MRPS35: variants seen among roughly 807,000 people sequenced by gnomAD.
MRPS35 encodes the protein small ribosomal subunit protein mS35.
MRPS35 carries 29 observed loss-of-function variants against 32.7 expected under a neutral mutation model. The observed-to-expected ratio is 0.89, with a 90% CI of 0.66 to 1.21. The LOEUF is 1.21. Among genes scored for constraint, MRPS35 ranks in the 50% most tolerant of loss-of-function variants. The probability of loss-of-function intolerance (pLI) is 0.00; values close to 1 mark genes in which losing one functional copy is unlikely to be tolerated. For missense variants in MRPS35, 373 were observed against 383.8 expected (o/e 0.97, Z 0.23); for synonymous variants, 148 against 139.3 (o/e 1.06, Z -0.44).
At chr12:27,749,564 G>C (rs2061993930) in intron 7 of MRPS35, among the ~76,000 whole-genome samples, 1 of 152,156 alleles carries the variant, frequency 6.6e-6, no homozygotes, top group African/African-American at 2.4e-5. Flanking sequence ...ATTTACCTTC[G>C]AAGTTTTAGT....
At chr12:27,750,037 C>T (rs1329545172) in intron 7 of MRPS35, among the ~76,000 whole-genome samples, 1 of 152,176 alleles carries the variant, frequency 6.6e-6, no homozygotes, top group East Asian at 1.9e-4. Flanking sequence ...ACCCAAAAAG[C>T]TTTAGAAATT....
intron 4 of MRPS35, among the ~76,000 whole-genome samples, chr12:27,720,711 T>G (rs2061870626): frequency 6.6e-6 from 1 of 152,050 alleles, no homozygotes; most frequent in Non-Finnish European, 1.5e-5. Flanking sequence ...ATAACAGAAG[T>G]AATCACTGGA....
intron 5 of MRPS35, among the ~76,000 whole-genome samples, chr12:27,733,890 C>A (rs2061932104): frequency 6.6e-6 from 1 of 152,148 alleles, no homozygotes; most frequent in South Asian, 2.1e-4. Context: ...CTTTAAAAAA[C>A]AATATATCCT....
chr12:27,751,587 C>A (rs1336000478), intron 7 of MRPS35, among the ~76,000 whole-genome samples: 1 of 152,008 alleles, frequency 6.6e-6, no homozygotes, highest in Non-Finnish European at 1.5e-5. Context: ...AGAAGGCTCT[C>A]CCCTGCCTTC....
At chr12:27,733,422 C>A (rs1254489113) in intron 5 of MRPS35, among the ~76,000 whole-genome samples, 1 of 151,908 alleles carries the variant, frequency 6.6e-6, no homozygotes, top group Non-Finnish European at 1.5e-5. Context: ...TTTTTTGGAC[C>A]ACTTCTTATA....
intron 7 of MRPS35, among the ~76,000 whole-genome samples, chr12:27,738,909 A>T (rs1400382256): frequency 1.3e-5 from 2 of 150,656 alleles, no homozygotes; most frequent in South Asian, 2.1e-4. Flanking sequence ...TGGTTTACTG[A>T]GAACTTTTTT....
In MRPS35 at chr12:27,756,051, G is replaced by C. The variant is rs149780656; in HGVS notation, c.*601G>C. On this transcript the variant is annotated 3_prime_UTR_variant, in exon 8 of 8. Coordinates refer to ENST00000081029, the MANE Select transcript of MRPS35 (RefSeq NM_021821.4). ...GGGCCAAGCTACCAGAAAAGTAGAA[G>C]TGGAGATTACCTGGTATGTATCTCT... 6.6e-6 allele frequency: 1 copy of C among 152,356 alleles called. No homozygotes were observed. Among genetic ancestry groups the C allele is most frequent in the East Asian group, 1.9e-4 (1 of 5,188 alleles). The allele number at this position is 152,356 out of a possible 1,614,324, so 9.4% of individuals were successfully genotyped here. A position where few individuals can be genotyped will look rare whatever the true frequency, so the allele number is the denominator to read the frequency against.
intron 7 of MRPS35, among the ~76,000 whole-genome samples, chr12:27,739,974 AC>A (rs574416267): frequency 6.8e-4 from 104 of 152,350 alleles, no homozygotes; most frequent in African/African-American, 2.2e-3. Flanking sequence ...AACTGTCCAA[AC>A]AAGTATACTT....
chr12:27,716,960 C>A (rs561805860), intron 3 of MRPS35, among the ~76,000 whole-genome samples: 6 of 152,070 alleles, frequency 3.9e-5, no homozygotes, highest in African/African-American at 1.2e-4. Flanking sequence ...CACTGCACTC[C>A]AGCCTGGGCG....
At chr12:27,744,130 T>C (rs1321480617) in intron 7 of MRPS35, among the ~76,000 whole-genome samples, 1 of 152,282 alleles carries the variant, frequency 6.6e-6, no homozygotes, top group Non-Finnish European at 1.5e-5. Flanking sequence ...TTTTAATTTC[T>C]ATGCTGGTCA....
chr12:27,718,258 C>G (rs2061859088), intron 3 of MRPS35, among the ~76,000 whole-genome samples: 1 of 152,144 alleles, frequency 6.6e-6, no homozygotes, highest in Non-Finnish European at 1.5e-5. Flanking sequence ...AACCCCATCT[C>G]TACTAAAACT....
intron 5 of MRPS35, 140 bp from the exon 6 acceptor site, chr12:27,735,307 A>G (rs957085918): frequency 6.9e-6 from 4 of 578,150 alleles, no homozygotes; most frequent in South Asian, 4.9e-5. Flanking sequence ...ATATGTCCCA[A>G]CTGCTTGCTC....
intron 7 of MRPS35, among the ~76,000 whole-genome samples, chr12:27,754,264 A>G (rs771379490): frequency 1.3e-5 from 2 of 152,114 alleles, no homozygotes; most frequent in East Asian, 1.9e-4. Context: ...GGCGGGGGAA[A>G]AAAGAAAATT....
chr12:27,722,117 G>GAA (rs2061878941), intron 4 of MRPS35, among the ~76,000 whole-genome samples: 1 of 152,198 alleles, frequency 6.6e-6, no homozygotes, highest in African/African-American at 2.4e-5. Flanking sequence ...GTATTTAAAT[G>GAA]AGTGTCTTAA....
chr12:27,732,916 A>G (rs940249766), intron 5 of MRPS35, among the ~76,000 whole-genome samples: 1 of 151,052 alleles, frequency 6.6e-6, no homozygotes, highest in African/African-American at 2.4e-5. Context: ...GCATATAGAG[A>G]AAATATTTCA....
Position 27,716,369 on chromosome 12 carries a change from C to A in MRPS35, c.232C>A (p.Pro78Thr). Residue 78 changes from proline to threonine, a missense_variant, in exon 3 of 8, where the codon CCC becomes ACC. By Grantham distance (38) the Pro-to-Thr change is conservative. Coordinates refer to ENST00000081029, the MANE Select transcript of MRPS35 (RefSeq NM_021821.4). ...SVYPVAAPFK[P>T]SAVPLPVRMG... Reference sequence around the variant, plus strand: ...TTACCCAGTTGCAGCACCATTTAAACCCTCTGCAGTACCTCTTCCTGTTCG... The same window carrying A: ...TTACCCAGTTGCAGCACCATTTAAAACCTCTGCAGTACCTCTTCCTGTTCG... The A allele has an allele frequency of 6.2e-7, 1 of 1,614,180 alleles. No homozygotes were observed. Among genetic ancestry groups the A allele is most frequent in the East Asian group, 2.2e-5 (1 of 44,884 alleles).
chr12:27,732,021 C>T (rs527838599), intron 5 of MRPS35, among the ~76,000 whole-genome samples: 4 of 152,070 alleles, frequency 2.6e-5, no homozygotes, highest in African/African-American at 9.7e-5. Flanking sequence ...TTTCAAAAAT[C>T]CCAATAAAAG....
At chr12:27,751,844 T>TG (rs1308860371) in intron 7 of MRPS35, among the ~76,000 whole-genome samples, 2 of 152,122 alleles carry the variant, frequency 1.3e-5, no homozygotes, top group Non-Finnish European at 2.9e-5. Context: ...ATATAACAAG[T>TG]GGGGGTGTGC....
At chr12:27,730,682 G>A (rs922553977) in intron 5 of MRPS35, among the ~76,000 whole-genome samples, 2 of 152,046 alleles carry the variant, frequency 1.3e-5, no homozygotes, top group Admixed American at 6.6e-5. Flanking sequence ...TGTTGCCAGG[G>A]CTGGTCTGGA....
Sources: gnomAD v4.1 joint callset for allele counts (sites outside exome capture counted in the v4.1 genomes callset) on GRCh38, gnomAD v4.1.1 for gene constraint, MANE v1.5 for transcripts, NCBI Gene and HGNC (gene_info 2026-07-23, HGNC 2026-07-21) for gene names.